PIK3R3: variants seen among roughly 807,000 people sequenced by gnomAD.
The protein encoded by PIK3R3 is phosphatidylinositol 3-kinase regulatory subunit gamma.
In PIK3R3, 64 loss-of-function variants were observed where a neutral mutation model predicts 62.9. That is an observed-to-expected ratio of 1.02 (90% CI 0.83 to 1.25). PIK3R3 has a LOEUF of 1.25. PIK3R3 is among the 50% of genes most tolerant of loss of function. PIK3R3 has a pLI of 0.00. For synonymous variants in PIK3R3, 165 were observed against 189.0 expected (o/e 0.87, Z 1.04); for missense variants, 614 against 561.6 (o/e 1.09, Z -0.94).
the PIK3R3 span, among the ~76,000 whole-genome samples, chr1:46,171,103 A>G: frequency 6.6e-6 from 1 of 152,096 alleles, no homozygotes; most frequent in Non-Finnish European, 1.5e-5. Context: ...GTTTTCTAGA[A>G]GTTGCAAGTC....
At chr1:46,132,719 C>A, upstream of PIK3R3, 1 of 1,288,834 alleles carries the variant, frequency 7.8e-7, no homozygotes, top group Non-Finnish European at 1.0e-6. Context: ...GCCACCCAAC[C>A]GCGCCGGGAG....
chr1:46,095,649 C>T (rs1652049778), intron 1 of PIK3R3, among the ~76,000 whole-genome samples: 1 of 151,964 alleles, frequency 6.6e-6, no homozygotes, highest in Non-Finnish European at 1.5e-5. Context: ...TGCACATGTA[C>T]CCCTGAACTT....
rs1647023499 is a variant in PIK3R3, at chr1:46,043,024, CTGAACATA to C, written c.*641_*648del. On this transcript the variant is annotated 3_prime_UTR_variant, in exon 10 of 10. Transcript: ENST00000262741. ...TGGCAACAAACTGTTTTGTTGGCTTCTGAACATAATACTTCTTCAGAGGGAGGGGCTGG... is the reference window on the plus strand; with the variant it reads ...TGGCAACAAACTGTTTTGTTGGCTTCATACTTCTTCAGAGGGAGGGGCTGG... 4.5e-6 allele frequency: 1 copy of C among 223,842 alleles called. No individual in the cohort carries two copies. Among genetic ancestry groups the C allele is most frequent in the African/African-American group, 2.2e-5 (1 of 44,844 alleles). 13.9% of individuals were successfully genotyped at this position (223,842 alleles called of 1,614,324 possible). A position where few individuals can be genotyped will look rare whatever the true frequency, so the allele number is the denominator to read the frequency against.
chr1:46,172,582 T>C, the PIK3R3 span, among the ~76,000 whole-genome samples: 3 of 152,098 alleles, frequency 2.0e-5, no homozygotes, highest in Non-Finnish European at 4.4e-5. Context: ...ACCAGCTACT[T>C]GTGGGACTGA....
intron 1 of PIK3R3, among the ~76,000 whole-genome samples, chr1:46,114,212 T>A (rs1480326226): frequency 2.0e-5 from 3 of 151,996 alleles, no homozygotes; most frequent in African/African-American, 7.3e-5. Context: ...CTTAAACCAA[T>A]GGGTTAGGCC....
At chr1:46,114,418 T>A (rs562002524) in intron 1 of PIK3R3, among the ~76,000 whole-genome samples, 4 of 152,200 alleles carry the variant, frequency 2.6e-5, no homozygotes, top group Non-Finnish European at 4.4e-5. Context: ...AAAGTTTAAG[T>A]GGGATTGACC....
chr1:46,138,531 G>A, the PIK3R3 span, among the ~76,000 whole-genome samples: 1 of 152,110 alleles, frequency 6.6e-6, no homozygotes, highest in Non-Finnish European at 1.5e-5. Flanking sequence ...GTGGTGGTGT[G>A]CTCCTGTAGT....
chr1:46,051,080 G>C (rs1647302395), intron 7 of PIK3R3, among the ~76,000 whole-genome samples: 1 of 152,028 alleles, frequency 6.6e-6, no homozygotes, highest in African/African-American at 2.4e-5. Context: ...AACAGTGCAG[G>C]GTTTTTTTTA....
chr1:46,067,142 G>T (rs775398227), intron 3 of PIK3R3, 51 bp from the exon 4 acceptor site: 2 of 1,358,490 alleles, frequency 1.5e-6, no homozygotes, highest in Non-Finnish European at 2.0e-6. Flanking sequence ...AAATTCAACT[G>T]AACTACTGCT....
chr1:46,053,049 C>G (rs886237629), intron 7 of PIK3R3, among the ~76,000 whole-genome samples: 1 of 152,174 alleles, frequency 6.6e-6, no homozygotes, highest in African/African-American at 2.4e-5. Context: ...TAGAATAGAT[C>G]AAATCCACCA....
At chr1:46,118,226 G>T (rs542482624) in intron 1 of PIK3R3, among the ~76,000 whole-genome samples, 1 of 152,296 alleles carries the variant, frequency 6.6e-6, no homozygotes, top group Non-Finnish European at 1.5e-5. Context: ...AAGTGAGTAA[G>T]TCAGTTTGGA....
intron 2 of PIK3R3, among the ~76,000 whole-genome samples, chr1:46,080,206 C>T (rs1405656205): frequency 6.6e-6 from 1 of 151,178 alleles, no homozygotes; most frequent in Non-Finnish European, 1.5e-5. Context: ...GGATTACAGG[C>T]GCATGCCAAC....
chr1:46,165,536 C>T, the PIK3R3 span, among the ~76,000 whole-genome samples: 2 of 151,618 alleles, frequency 1.3e-5, no homozygotes, highest in East Asian at 1.9e-4. Context: ...GAACTCCCGA[C>T]CTCAGATGAT....
chr1:46,082,601 T>A (rs1418023492), intron 1 of PIK3R3, among the ~76,000 whole-genome samples: 12 of 152,214 alleles, frequency 7.9e-5, no homozygotes, highest in Admixed American at 7.9e-4. Flanking sequence ...AACATGGTCA[T>A]CATATGGCAT....
intron 1 of PIK3R3, among the ~76,000 whole-genome samples, chr1:46,089,648 G>C (rs986702742): frequency 1.3e-5 from 2 of 151,048 alleles, no homozygotes; most frequent in Admixed American, 1.3e-4. Context: ...CTGGGAGGCA[G>C]AGGTTGCAGT....
chr1:46,159,100 TA>T, the PIK3R3 span, among the ~76,000 whole-genome samples: 1 of 111,088 alleles, frequency 9.0e-6, no homozygotes, highest in South Asian at 3.0e-4. Context: ...AATAAATAAA[TA>T]AATAAATAAA....
chr1:46,106,807 C>T (rs1653250846), intron 1 of PIK3R3, among the ~76,000 whole-genome samples: 1 of 151,992 alleles, frequency 6.6e-6, no homozygotes, highest in Non-Finnish European at 1.5e-5. Flanking sequence ...CAGAGTTTCA[C>T]TCTTGTTGCC....
At chr1:46,101,645 G>T (rs1652688822) in intron 1 of PIK3R3, among the ~76,000 whole-genome samples, 1 of 152,154 alleles carries the variant, frequency 6.6e-6, no homozygotes, top group Non-Finnish European at 1.5e-5. Context: ...GCCGCAATAT[G>T]GATGAACACC....
At chr1:46,049,661 A>G (rs930081130) in intron 7 of PIK3R3, among the ~76,000 whole-genome samples, 1 of 152,250 alleles carries the variant, frequency 6.6e-6, no homozygotes, top group Non-Finnish European at 1.5e-5. Context: ...AGAGGGAGGC[A>G]CAAAGGACTT....
Sources: gnomAD v4.1 joint callset for allele counts (sites outside exome capture counted in the v4.1 genomes callset) on GRCh38, gnomAD v4.1.1 for gene constraint, MANE v1.5 for transcripts, NCBI Gene and HGNC (gene_info 2026-07-23, HGNC 2026-07-21) for gene names.